The following EP300 variants were observed in gnomAD, a reference collection of about 807,000 sequenced individuals.
The protein encoded by EP300 is EP300 lysine acetyltransferase.
A neutral mutation model predicts 264.0 loss-of-function variants in EP300; 31 were observed. That is an observed-to-expected ratio of 0.12 (90% CI 0.09 to 0.16). EP300 has a LOEUF of 0.16. Ranked by LOEUF, EP300 falls within the 10% of genes least tolerant of loss-of-function variation. The pLI is 1.00. For missense variants in EP300, 2,766 were observed against 3,052.9 expected, an observed-to-expected ratio of 0.91 and a Z score of 2.21; for synonymous variants, 1,340 against 1,045.4, an observed-to-expected ratio of 1.28 and a Z score of -5.44.
intron 10 of EP300, among the ~76,000 whole-genome samples, chr22:41,142,977 G>T (rs575446626): frequency 1.1e-4 from 17 of 152,312 alleles, no homozygotes; most frequent in African/African-American, 4.1e-4. Context: ...TTTAAAGTCT[G>T]TGAGATATTA....
At chr22:41,170,601 A>AC in intron 27 of EP300, 30 bp downstream of exon 27, 2 of 1,605,574 alleles carry the variant, frequency 1.2e-6, no homozygotes, top group Non-Finnish European at 8.5e-7. Flanking sequence ...CCAGGTGCTG[A>AC]CAATAGATCT....
At chr22:41,095,455 C>T (rs1253297555) in intron 1 of EP300, among the ~76,000 whole-genome samples, 1 of 151,886 alleles carries the variant, frequency 6.6e-6, no homozygotes, top group Non-Finnish European at 1.5e-5. Flanking sequence ...TGGTCTCGAT[C>T]TCCTGCCCTC....
chr22:41,149,920 C>T lies in EP300; in HGVS notation c.2539C>T (p.Pro847Ser), dbSNP rs764698803. 4.3e-6 allele frequency: 7 copies of T among 1,613,820 alleles called. No homozygotes were observed. The highest frequency in any genetic ancestry group is 4.5e-5 in the East Asian group (2 of 44,886). The change falls in exon 14 of 31, where the codon CCA becomes TCA. Residue 847 changes from proline (P) to serine (S), a missense_variant. Pro to Ser is a moderately conservative substitution (Grantham distance 74). Transcript: ENST00000263253. ...TACCCCCACCCCTCACCATACTCCC[C>T]CAAGCATAGGGGCTCAGCAGCCACC... ...SRTPTPHHTP[P>S]SIGAQQPPAT... is the part of the protein sequence containing the mutation.
At chr22:41,172,952 G>A (rs888865118) in intron 28 of EP300, among the ~76,000 whole-genome samples, 1 of 152,144 alleles carries the variant, frequency 6.6e-6, no homozygotes, top group East Asian at 1.9e-4. Context: ...CTTATCTGAA[G>A]GACTAGGTTA....
At chr22:41,169,740 A>G (rs982418501) in intron 26 of EP300, 124 bp downstream of exon 26, 10 of 679,668 alleles carry the variant, frequency 1.5e-5, no homozygotes, top group East Asian at 2.7e-5. Context: ...TTACGTAACA[A>G]TTCTCTTAAC....
chr22:41,131,252 A>G, intron 5 of EP300, 136 bp from the exon 6 acceptor site: 1 of 1,011,772 alleles, frequency 9.9e-7, no homozygotes, highest in Admixed American at 2.0e-5. Context: ...CCAGGAAATA[A>G]TGGAAGACAA....
intron 19 of EP300, 134 bp downstream of exon 19, chr22:41,158,634 T>G: frequency 1.3e-6 from 1 of 741,252 alleles, no homozygotes; most frequent in Non-Finnish European, 2.3e-6. Flanking sequence ...CAAGTTCTGT[T>G]TTTTGCCTTC....
At chr22:41,111,736 C>T (rs2058791603) in intron 1 of EP300, among the ~76,000 whole-genome samples, 1 of 151,808 alleles carries the variant, frequency 6.6e-6, no homozygotes, top group Non-Finnish European at 1.5e-5. Flanking sequence ...GACGGGGTTT[C>T]TCCATGTTGC....
intron 1 of EP300, among the ~76,000 whole-genome samples, chr22:41,093,918 G>A (rs2058688325): frequency 6.6e-6 from 1 of 152,180 alleles, no homozygotes; most frequent in Non-Finnish European, 1.5e-5. Flanking sequence ...CTACAAACGT[G>A]AACTGATTGT....
chr22:41,120,240 C>T (rs2058844808), intron 2 of EP300, among the ~76,000 whole-genome samples: 2 of 152,156 alleles, frequency 1.3e-5, no homozygotes, highest in South Asian at 4.1e-4. Flanking sequence ...AAGATAACCA[C>T]TTAAGGCTGG....
chr22:41,148,624 T>C (rs1394722584), intron 12 of EP300, among the ~76,000 whole-genome samples: 1 of 152,230 alleles, frequency 6.6e-6, no homozygotes, highest in Non-Finnish European at 1.5e-5. Flanking sequence ...CTACAACTTG[T>C]AAGATTTTCT....
chr22:41,131,701 T>G (rs1222455088), intron 6 of EP300, 68 bp downstream of exon 6: 2 of 1,604,828 alleles, frequency 1.2e-6, no homozygotes, highest in South Asian at 1.1e-5. Flanking sequence ...AAACACAGTG[T>G]TGTTAGCTCC....
intron 27 of EP300, among the ~76,000 whole-genome samples, chr22:41,170,970 T>TC (rs2059167406): frequency 6.6e-6 from 1 of 150,430 alleles, no homozygotes; most frequent in Non-Finnish European, 1.5e-5. Context: ...GCCTTTTTTT[T>TC]TTTTTTTTAA....
At chr22:41,153,488 T>C (rs543546709) in intron 16 of EP300, among the ~76,000 whole-genome samples, 187 of 152,306 alleles carry the variant, frequency 1.2e-3, no homozygotes, top group African/African-American at 4.3e-3. Context: ...TGTTCCCTCA[T>C]GCCTGTAATC....
chr22:41,160,419 CA>C (rs35492332), intron 19 of EP300: 5,546 of 370,102 alleles, frequency 0.015, 1 homozygote, highest in East Asian at 0.021. Context: ...GCTTTGATTG[CA>C]AAAAAAAAAA....
At chr22:41,148,302 G>A (rs778958865) in intron 12 of EP300, among the ~76,000 whole-genome samples, 7 of 152,184 alleles carry the variant, frequency 4.6e-5, no homozygotes, top group Non-Finnish European at 8.8e-5. Flanking sequence ...CTCCTTATGC[G>A]AACTCTTAAC....
rs761842462 is a variant in EP300, at chr22:41,158,530, C to G, written c.3590+30C>G. ...GCTTGGCCAGGTGTGGACCATGGTC[C>G]ATGTGTCCACATGTCCAGGGAGTGC... On this transcript the variant is annotated intron_variant, in intron 19 of 30. Coordinates refer to ENST00000263253, the MANE Select transcript of EP300 (RefSeq NM_001429.4). 3.8e-6 allele frequency: 6 copies of G among 1,565,164 alleles called. No individual in the cohort carries two copies. The South Asian group carries it at 6.7e-5, about 17-fold the overall frequency.
At position 41,173,412 on chromosome 22, in the gene EP300, A is replaced by G. The variant is rs190943002; in HGVS notation, c.4618-211A>G. Among the ~76,000 whole-genome samples, 40 of 152,350 alleles carry G rather than the reference A, an allele frequency of 2.6e-4. No individual in the cohort carries two copies. The South Asian group carries it at 4.6e-3, about 17-fold the overall frequency. ...TGTGGCCTCTTCTAGGCAAAAAGCTAAAGGGCTGCCATTGCCTTAAAGATC... is the reference window on the plus strand; with the variant it reads ...TGTGGCCTCTTCTAGGCAAAAAGCTGAAGGGCTGCCATTGCCTTAAAGATC... On this transcript the variant is annotated intron_variant, in intron 28 of 30. Transcript: ENST00000263253.
chr22:41,122,954 T>G (rs2145703925), intron 2 of EP300, among the ~76,000 whole-genome samples: 1 of 152,240 alleles, frequency 6.6e-6, no homozygotes, highest in South Asian at 2.1e-4. Context: ...GAGAATTGCT[T>G]GAGCCCAGAG....
Sources: gnomAD v4.1 joint callset for allele counts (sites outside exome capture counted in the v4.1 genomes callset) on GRCh38, gnomAD v4.1.1 for gene constraint, MANE v1.5 for transcripts, NCBI Gene and HGNC (gene_info 2026-07-23, HGNC 2026-07-21) for gene names.